SHROOM4: variants seen among roughly 807,000 people sequenced by gnomAD.
SHROOM4 encodes protein Shroom4.
In SHROOM4, 17 loss-of-function variants were observed where a neutral mutation model predicts 80.3. The observed-to-expected ratio is 0.21, with a 90% CI of 0.14 to 0.32. The LOEUF (loss-of-function observed/expected upper bound fraction) is 0.32, where lower values mean the gene tolerates loss of function less well. Ranked by LOEUF, SHROOM4 falls within the 10% of genes least tolerant of loss-of-function variation. The probability of loss-of-function intolerance (pLI) is 1.00; values close to 1 mark genes in which losing one functional copy is unlikely to be tolerated. For synonymous variants in SHROOM4, 400 were observed against 437.5 expected (o/e 0.91, Z 1.07); for missense variants, 993 against 1,140.3 (o/e 0.87, Z 1.86).
chrX:50,698,610 G>C (rs1224800843), intron 1 of SHROOM4, among the ~76,000 whole-genome samples: 1 of 111,152 alleles, frequency 9.0e-6, no homozygotes, highest in African/African-American at 3.3e-5. Context: ...TTCCAGACTT[G>C]TTGGTCCTTT....
chrX:50,803,683 G>C (rs1366578495), intron 1 of SHROOM4, among the ~76,000 whole-genome samples: 1 of 112,159 alleles, frequency 8.9e-6, no homozygotes, highest in Non-Finnish European at 1.9e-5. Flanking sequence ...AGTACTTAAA[G>C]CTTTTTGTTT....
At chrX:50,648,952 T>G (rs1264836484) in intron 2 of SHROOM4, among the ~76,000 whole-genome samples, 1 of 111,715 alleles carries the variant, frequency 9.0e-6, no homozygotes, top group East Asian at 2.8e-4. Flanking sequence ...GGTAGCCATG[T>G]GTAGGATAAA....
intron 2 of SHROOM4, among the ~76,000 whole-genome samples, chrX:50,685,329 G>A (rs1015760366): frequency 4.5e-5 from 5 of 111,522 alleles, no homozygotes; most frequent in Non-Finnish European, 9.4e-5. Context: ...GGACACTGGA[G>A]GGGGTTGGTT....
chrX:50,612,528 A>C (rs1930045810), intron 5 of SHROOM4, among the ~76,000 whole-genome samples: 1 of 111,972 alleles, frequency 8.9e-6, no homozygotes, highest in African/African-American at 3.2e-5. Flanking sequence ...AGAGAAGAAA[A>C]GATTCCTGCA....
chrX:50,781,741 A>G (rs1935631662), intron 1 of SHROOM4, among the ~76,000 whole-genome samples: 2 of 110,737 alleles, frequency 1.8e-5, no homozygotes, highest in South Asian at 7.8e-4. Context: ...AAAAAAAATA[A>G]AGACAGAAAA....
At chrX:50,767,987 T>G (rs1935315102) in intron 1 of SHROOM4, among the ~76,000 whole-genome samples, 1 of 112,196 alleles carries the variant, frequency 8.9e-6, no homozygotes, top group African/African-American at 3.2e-5. Context: ...CTGAGGTCTT[T>G]TTGGTTCATT....
At chrX:50,765,090 G>A (rs1251244147) in intron 1 of SHROOM4, among the ~76,000 whole-genome samples, 1 of 111,455 alleles carries the variant, frequency 9.0e-6, no homozygotes, top group Non-Finnish European at 1.9e-5. Flanking sequence ...CCTCCCACTA[G>A]GTCCCTCCCA....
At position 50,790,536 on chromosome X, in the gene SHROOM4, G is replaced by A. The variant is rs185978676; in HGVS notation, c.117+23366C>T. On this transcript the variant is annotated intron_variant, in intron 1 of 8. Coordinates refer to ENST00000376020, the MANE Select transcript of SHROOM4 (RefSeq NM_020717.5). ...CAATATCCCCAATGAAAACTGATGC[G>A]AAAATCCTCAACAAAATACCAGAAA... Among the ~76,000 whole-genome samples, 393 of 110,805 alleles carry A rather than the reference G, an allele frequency of 3.5e-3. 1 individual carries two copies. Among genetic ancestry groups the A allele is most frequent in the African/African-American group, 0.012 (356 of 30,529 alleles).
rs1451328456 is a variant in SHROOM4, at chrX:50,592,155, G to GA, written c.*4539dup. On this transcript the variant is annotated 3_prime_UTR_variant, in exon 9 of 9. Transcript: ENST00000376020. ...AGAGCAAGAATATGCCTGGGATAAG[G>GA]AAAAAATGAATTGAGTAGATCAGGA... The GA allele has an allele frequency of 5.2e-5, 17 of 327,736 alleles. No homozygotes were observed. Among genetic ancestry groups the GA allele is most frequent in the Non-Finnish European group, 1.0e-4 (17 of 169,714 alleles). 27.0% of individuals were successfully genotyped at this position (327,736 alleles called of 1,213,427 possible). A position where few individuals can be genotyped will look rare whatever the true frequency, so the allele number is the denominator to read the frequency against.
chrX:50,703,594 C>T (rs1296328519), intron 1 of SHROOM4, among the ~76,000 whole-genome samples: 1 of 111,369 alleles, frequency 9.0e-6, no homozygotes, highest in African/African-American at 3.3e-5. Flanking sequence ...GGGGCAGTTT[C>T]CCCAATGCTG....
chrX:50,769,149 G>GA lies in SHROOM4; in HGVS notation c.117+44752dup, dbSNP rs782097196. On this transcript the variant is annotated intron_variant, in intron 1 of 8. Transcript: ENST00000376020. ...AAAACAAAGAGGAAAGGAAGGAGGG[G>GA]AAAAAAAGAGGAAAGGAAGGGGAGA... Among the ~76,000 whole-genome samples the GA allele has an allele frequency of 9.5e-3, 993 of 104,386 alleles. 16 individuals carry two copies. Among genetic ancestry groups the GA allele is most frequent in the African/African-American group, 0.032 (923 of 28,709 alleles). The allele number at this position is 104,386 out of a possible 115,157, so 90.6% of individuals were successfully genotyped here.
chrX:50,715,956 T>C (rs1005794805), intron 1 of SHROOM4, among the ~76,000 whole-genome samples: 1 of 110,109 alleles, frequency 9.1e-6, no homozygotes, highest in Admixed American at 9.7e-5. Flanking sequence ...AGATACTAAA[T>C]GTCCATTAAT....
intron 1 of SHROOM4, among the ~76,000 whole-genome samples, chrX:50,758,757 T>C (rs1449726254): frequency 8.9e-6 from 1 of 111,910 alleles, no homozygotes; most frequent in Non-Finnish European, 1.9e-5. Context: ...CTTCTTTTAA[T>C]GTTTGGTAGA....
chrX:50,576,549 G>T, the SHROOM4 span, among the ~76,000 whole-genome samples: 1 of 111,477 alleles, frequency 9.0e-6, no homozygotes, highest in Admixed American at 9.5e-5. Context: ...AAAGTCCCTA[G>T]ACCATTTACA....
intron 1 of SHROOM4, among the ~76,000 whole-genome samples, chrX:50,794,442 A>G (rs1557271819): frequency 9.0e-6 from 1 of 110,745 alleles, no homozygotes; most frequent in Non-Finnish European, 1.9e-5. Flanking sequence ...CAAAATACAC[A>G]TGGGAAACTA....
At chrX:50,662,226 C>T (rs1284282362) in intron 2 of SHROOM4, among the ~76,000 whole-genome samples, 8 of 111,725 alleles carry the variant, frequency 7.2e-5, no homozygotes, top group African/African-American at 1.3e-4. Flanking sequence ...ATGCGTCAGG[C>T]GTGGTGGCTC....
chrX:50,778,583 T>A (rs1470793720), intron 1 of SHROOM4, among the ~76,000 whole-genome samples: 2 of 112,287 alleles, frequency 1.8e-5, no homozygotes, highest in African/African-American at 6.5e-5. Flanking sequence ...TTTTCACAGA[T>A]TTATTGACTC....
At position 50,813,835 on chromosome X, in the gene SHROOM4, G is replaced by A. The variant is rs1041722220; in HGVS notation, c.117+67C>T. 2.1e-5 allele frequency: 18 copies of A among 870,243 alleles called. No homozygotes were observed. In the South Asian group the frequency reaches 2.5e-4, roughly 12 times the overall value. The allele number at this position is 870,243 out of a possible 1,213,427, so 71.7% of individuals were successfully genotyped here. A position where few individuals can be genotyped will look rare whatever the true frequency, so the allele number is the denominator to read the frequency against. ...GTTGGCCTGAGGGCCCCGTCCAGCG[G>A]CAGCCTTCGCACCCGCTTGTCCATT... On this transcript the variant is annotated intron_variant, in intron 1 of 8. Transcript: ENST00000376020.
intron 6 of SHROOM4, among the ~76,000 whole-genome samples, chrX:50,605,615 C>T (rs372250486): frequency 7.1e-5 from 8 of 112,556 alleles, no homozygotes; most frequent in African/African-American, 2.6e-4. Context: ...CCTTGCCCTA[C>T]AGGAGAGAAG....
Sources: allele counts gnomAD v4.1 joint callset (sites outside exome capture counted in the v4.1 genomes callset), GRCh38; gene constraint gnomAD v4.1.1; transcripts MANE v1.5; gene names NCBI Gene and HGNC (gene_info 2026-07-23, HGNC 2026-07-21).